The following BTF3 variants were observed in gnomAD, a reference collection of about 807,000 sequenced individuals.
BTF3 encodes transcription factor BTF3.
Under a neutral mutation model 23.9 loss-of-function variants are expected in BTF3, and 12 were observed. That is an observed-to-expected ratio of 0.50 (90% CI 0.32 to 0.81). BTF3 has a LOEUF of 0.81. BTF3 is among the 40% of genes least tolerant of loss of function. The pLI is 0.03. For synonymous variants in BTF3, 96 were observed against 94.8 expected (o/e 1.01, Z -0.07); for missense variants, 215 against 255.9 (o/e 0.84, Z 1.09).
intron 3 of BTF3, 82 bp downstream of exon 3, chr5:73,502,683 T>C: frequency 9.5e-7 from 1 of 1,049,432 alleles, no homozygotes; most frequent in Non-Finnish European, 1.4e-6. Context: ...GGTTGTTTTT[T>C]TTTTTTTTAA....
chr5:73,502,199 T>G (rs7735607), intron 2 of BTF3, among the ~76,000 whole-genome samples: 30,987 of 150,436 alleles, frequency 0.21, 5,946 homozygotes, highest in East Asian at 0.52. Context: ...TTAATAATTC[T>G]GGATGTGGAA....
intron 2 of BTF3, among the ~76,000 whole-genome samples, chr5:73,500,415 ACT>A (rs764150865): frequency 8.6e-5 from 13 of 152,026 alleles, no homozygotes; most frequent in Non-Finnish European, 1.5e-4. Flanking sequence ...TTTTGTTGTT[ACT>A]CTCATCATTA....
intron 2 of BTF3, 75 bp downstream of exon 2, chr5:73,499,277 GCTT>G (rs773705326): frequency 6.1e-5 from 90 of 1,484,072 alleles, no homozygotes; most frequent in South Asian, 3.7e-4. Context: ...TTCCTTTTGC[GCTT>G]CTTATATTAT....
intron 2 of BTF3, 145 bp downstream of exon 2, chr5:73,499,347 C>CG (rs1357135308): frequency 5.9e-6 from 5 of 854,330 alleles, no homozygotes; most frequent in Non-Finnish European, 9.6e-6. Context: ...TCTCGAGGAG[C>CG]GGGGGAGACG....
In BTF3 at chr5:73,503,020, A is replaced by G. The variant is rs14010; in HGVS notation, c.420A>G (p.Thr140=). 0.12 allele frequency: 187,421 copies of G among 1,613,740 alleles called. 29,746 individuals are homozygous for G. The highest frequency in any genetic ancestry group is 0.69 in the African/African-American group (51,443 of 74,886). Residue 140 remains threonine, a synonymous_variant, in exon 4 of 6, where the codon ACA becomes ACG. Transcript: ENST00000380591. ...TCACCATTACAGGCCATGCTGAGAC[A>G]AAGCAGCTGACAGAAATGCTACCCA... ...NTFTITGHAE[T]KQLTEMLPSI... is the part of the protein sequence containing the mutation.
chr5:73,504,267 C>CTTTTTTTTTTTTTTTTTTTTTTGTTTTTT (rs1746505403), intron 4 of BTF3, 80 bp from the exon 5 acceptor site: 1 of 118,606 alleles, frequency 8.4e-6, no homozygotes, highest in Non-Finnish European at 1.6e-5. Context: ...TTCATCTGTT[C>CTTTTTTTTTTTTTTTTTTTTTTGTTTTTT]TTTTTTTTTT....
intron 1 of BTF3, 92 bp downstream of exon 1, chr5:73,498,891 G>A (rs1746360276): frequency 6.8e-7 from 1 of 1,473,844 alleles, no homozygotes. Flanking sequence ...TGCTGGCCAG[G>A]CGTGGGGTAG....
chr5:73,499,220 G>T lies in BTF3; in HGVS notation c.201+18G>T. On this transcript the variant is annotated intron_variant, in intron 2 of 5. Coordinates refer to ENST00000380591, the MANE Select transcript of BTF3 (RefSeq NM_001037637.2). ...GTGGGAAAGTAAGTTTTAATAGTTC[G>T]GGTTTGTGGGTTTTTTTTTTAAGGT... 6.2e-7 allele frequency: 1 copy of T among 1,601,548 alleles called. No individual in the cohort carries two copies. The highest frequency in any genetic ancestry group is 1.1e-5 in the South Asian group (1 of 90,932).
chr5:73,500,595 C>G (rs775723648), intron 2 of BTF3, among the ~76,000 whole-genome samples: 7 of 152,216 alleles, frequency 4.6e-5, no homozygotes, highest in Non-Finnish European at 1.0e-4. Context: ...CATTTCTACA[C>G]TGTTTAAGAA....
At chr5:73,501,199 G>A (rs1746427860) in intron 2 of BTF3, among the ~76,000 whole-genome samples, 1 of 152,086 alleles carries the variant, frequency 6.6e-6, no homozygotes, top group Admixed American at 6.6e-5. Context: ...GCAGAATTTA[G>A]GAAAGGCAAA....
Position 73,502,520 on chromosome 5 carries a change from T to C in BTF3, c.234T>C (p.His78=), listed in dbSNP as rs759685327. Reference sequence around the variant, plus strand: ...CTCGCAGAAAGAAGAAGGTGGTTCATAGAACAGCCACAGCAGATGACAAAA... The same window carrying C: ...CTCGCAGAAAGAAGAAGGTGGTTCACAGAACAGCCACAGCAGATGACAAAA... The part of the protein sequence containing the change: ...GTARRKKKVV[H]RTATADDKKL... The change falls in exon 3 of 6, where the codon CAT becomes CAC. Residue 78 remains histidine, a synonymous_variant. Transcript: ENST00000380591. 5 of 1,608,374 alleles carry C rather than the reference T, an allele frequency of 3.1e-6. No homozygotes were observed. Among genetic ancestry groups the C allele is most frequent in the Non-Finnish European group, 4.2e-6 (5 of 1,178,706 alleles).
chr5:73,498,924 A>T, intron 1 of BTF3, 125 bp downstream of exon 1: 1 of 1,323,958 alleles, frequency 7.6e-7, no homozygotes, highest in Non-Finnish European at 9.8e-7. Flanking sequence ...GGGCCTGCCA[A>T]GAGCGGGGAG....
In BTF3 at chr5:73,498,634, A is replaced by T. The variant is rs1239102550; in HGVS notation, c.-34A>T. 1.4e-6 allele frequency: 2 copies of T among 1,464,530 alleles called. No individual in the cohort carries two copies. The highest frequency in any genetic ancestry group is 2.7e-5 in the East Asian group (1 of 37,270). 90.7% of individuals were successfully genotyped at this position (1,464,530 alleles called of 1,614,324 possible). A position where few individuals can be genotyped will look rare whatever the true frequency, so the allele number is the denominator to read the frequency against. On this transcript the variant is annotated 5_prime_UTR_variant, in exon 1 of 6. Coordinates refer to ENST00000380591, the MANE Select transcript of BTF3 (RefSeq NM_001037637.2). ...GGGAAGTTCCCTGAAGGAGCGAGAC[A>T]GGGAGGGACAGGGCAGAGGAGGAGA...
intron 2 of BTF3, 28 bp downstream of exon 2, chr5:73,499,230 G>T (rs1436771380): frequency 4.8e-6 from 7 of 1,457,032 alleles, no homozygotes; most frequent in Middle Eastern, 1.8e-4. Context: ...GGGTTTGTGG[G>T]TTTTTTTTTT....
intron 5 of BTF3, 184 bp downstream of exon 5, chr5:73,504,587 T>C (rs559388716): frequency 4.5e-6 from 2 of 444,090 alleles, no homozygotes; most frequent in East Asian, 7.5e-5. Context: ...TGACTTGGCT[T>C]GTTTCTGTTT....
In BTF3 at chr5:73,505,341, A is replaced by C; in HGVS notation, c.*103A>C. 1 of 1,014,576 alleles carries C rather than the reference A, an allele frequency of 9.9e-7. No homozygotes were observed. The highest frequency in any genetic ancestry group is 1.5e-6 in the Non-Finnish European group (1 of 688,042). The allele number at this position is 1,014,576 out of a possible 1,614,324, so 62.8% of individuals were successfully genotyped here. A position where few individuals can be genotyped will look rare whatever the true frequency, so the allele number is the denominator to read the frequency against. On this transcript the variant is annotated 3_prime_UTR_variant, in exon 6 of 6. Coordinates refer to ENST00000380591, the MANE Select transcript of BTF3 (RefSeq NM_001037637.2). Reference sequence around the variant, plus strand: ...AATTTTTGTTTATGGATCTGATAAAATCTAGATCTCTAATATTTTTAAGCC... The same window carrying C: ...AATTTTTGTTTATGGATCTGATAAACTCTAGATCTCTAATATTTTTAAGCC...
At chr5:73,503,805 TC>T (rs1173432714) in intron 4 of BTF3, among the ~76,000 whole-genome samples, 2 of 152,232 alleles carry the variant, frequency 1.3e-5, no homozygotes, top group African/African-American at 4.8e-5. Context: ...TTTTGAAGTA[TC>T]CCACTGATGC....
rs777269141 is a variant in BTF3, at chr5:73,502,621, A to T, written c.315+20A>T. On this transcript the variant is annotated intron_variant, in intron 3 of 5. Coordinates refer to ENST00000380591, the MANE Select transcript of BTF3 (RefSeq NM_001037637.2). ...GAAGAGGCAAGTATCAAATTTTGTT[A>T]CTTTAAAAAACAAGATTTGGCTGGG... 6.5e-7 allele frequency: 1 copy of T among 1,543,998 alleles called. No individual in the cohort carries two copies. The highest frequency in any genetic ancestry group is 8.8e-7 in the Non-Finnish European group (1 of 1,142,016).
At chr5:73,504,453 T>A (rs202126534) in intron 5 of BTF3, 50 bp downstream of exon 5, 2 of 1,508,674 alleles carry the variant, frequency 1.3e-6, no homozygotes, top group African/African-American at 2.8e-5. Flanking sequence ...CAAGGGAGAA[T>A]AAGAAATCTT....
Sources: allele counts gnomAD v4.1 joint callset (sites outside exome capture counted in the v4.1 genomes callset), GRCh38; gene constraint gnomAD v4.1.1; transcripts MANE v1.5; gene names NCBI Gene and HGNC (gene_info 2026-07-23, HGNC 2026-07-21).